Variants in ANO5 observed in about 807,000 individuals in gnomAD.
ANO5 encodes the protein anoctamin-5.
A neutral mutation model predicts 121.0 loss-of-function variants in ANO5; 109 were observed. The observed-to-expected ratio is 0.90, with a 90% CI of 0.77 to 1.06. The LOEUF (loss-of-function observed/expected upper bound fraction) is 1.06, where lower values mean the gene tolerates loss of function less well. Ranked by LOEUF, ANO5 falls within the 50% of genes least tolerant of loss-of-function variation. ANO5 has a pLI of 0.00. For synonymous variants in ANO5, 406 were observed against 359.9 expected (o/e 1.13, Z -1.45); for missense variants, 1,064 against 1,078.5 (o/e 0.99, Z 0.19).
intron 17 of ANO5, among the ~76,000 whole-genome samples, chr11:22,264,030 T>TTTC (rs1469252028): frequency 6.7e-6 from 1 of 149,996 alleles, no homozygotes; most frequent in African/African-American, 2.5e-5. Flanking sequence ...AAACCTTTTT[T>TTTC]TTTTTTTTTT....
intron 5 of ANO5, 138 bp from the exon 6 acceptor site, chr11:22,225,846 A>T: frequency 4.6e-6 from 3 of 658,878 alleles, no homozygotes; most frequent in Non-Finnish European, 8.2e-6. Flanking sequence ...TGACATTCAG[A>T]TGGAGCATTT....
chr11:22,227,702 T>G (rs80256862), intron 7 of ANO5, 116 bp downstream of exon 7: 1 of 1,312,958 alleles, frequency 7.6e-7, no homozygotes, highest in Non-Finnish European at 1.1e-6. Context: ...GTATAGGATA[T>G]AAGCATTTGG....
chr11:22,208,442 T>C (rs182420326), intron 2 of ANO5, among the ~76,000 whole-genome samples: 134 of 152,188 alleles, frequency 8.8e-4, no homozygotes, highest in African/African-American at 3.1e-3. Flanking sequence ...ACATATGTTA[T>C]GATTCCATTT....
At chr11:22,200,366 AT>A (rs1400494875) in intron 1 of ANO5, among the ~76,000 whole-genome samples, 4 of 152,218 alleles carry the variant, frequency 2.6e-5, no homozygotes, top group African/African-American at 9.6e-5. Context: ...TTTATGAAAA[AT>A]TTAGCTACTT....
intron 12 of ANO5, among the ~76,000 whole-genome samples, chr11:22,252,016 C>A (rs1283010944): frequency 2.9e-5 from 3 of 102,412 alleles, no homozygotes; most frequent in Admixed American, 3.3e-4. Flanking sequence ...AGAGACAGAG[C>A]AAGACGCCGT....
rs1854611367 is a variant in ANO5 at position 22,271,505 on chromosome 11, T to C, written c.2029+1063T>C. 2.0e-5 allele frequency among the ~76,000 whole-genome samples: 3 copies of C among 152,234 alleles called. No homozygotes were observed. In the South Asian group the frequency reaches 6.2e-4, roughly 31 times the overall value. On this transcript the variant is annotated intron_variant, in intron 18 of 21. Transcript: ENST00000324559. ...ATAGAAGCTATTTTATAGAACTCTTTGTAAAATCAGATAATCTTTGCCTTA... is the reference window on the plus strand; with the variant it reads ...ATAGAAGCTATTTTATAGAACTCTTCGTAAAATCAGATAATCTTTGCCTTA...
intron 21 of ANO5, 21 bp downstream of exon 21, chr11:22,276,220 A>C: frequency 6.4e-7 from 1 of 1,559,504 alleles, no homozygotes; most frequent in Non-Finnish European, 8.8e-7. Flanking sequence ...CTTAACTTTC[A>C]TTCGAGTTAC....
chr11:22,232,700 C>G (rs916339772), intron 7 of ANO5, among the ~76,000 whole-genome samples: 1 of 151,864 alleles, frequency 6.6e-6, no homozygotes, highest in Non-Finnish European at 1.5e-5. Context: ...CAATTTTTTT[C>G]TCTCAAGTGT....
chr11:22,197,328 A>T (rs1459166306), intron 1 of ANO5, among the ~76,000 whole-genome samples: 1 of 149,640 alleles, frequency 6.7e-6, no homozygotes, highest in Non-Finnish European at 1.5e-5. Context: ...TTGCCAGTAA[A>T]ATGTCATTGC....
In ANO5 at chr11:22,227,410, A is replaced by G; in HGVS notation, c.472A>G (p.Ile158Val). Residue 158 changes from isoleucine (I) to valine (V), a missense_variant, in exon 7 of 22, where the codon ATT becomes GTT. Transcript: ENST00000324559. ...CAAAATGCCTATTAAGGAGAGTGAT[A>G]TTCCCCGCCCTAAGCACACTCCTAT... is the stretch of plus-strand genomic sequence containing the variant. Reference protein sequence around the residue: ...GIKMPIKESDIPRPKHTPISY... With the variant: ...GIKMPIKESDVPRPKHTPISY... 6.2e-7 allele frequency: 1 copy of G among 1,613,550 alleles called. No individual in the cohort carries two copies. Among genetic ancestry groups the G allele is most frequent in the Non-Finnish European group, 8.5e-7 (1 of 1,179,772 alleles).
chr11:22,256,864 G>C (rs1047052982), intron 13 of ANO5, among the ~76,000 whole-genome samples: 17 of 152,114 alleles, frequency 1.1e-4, no homozygotes, highest in African/African-American at 4.1e-4. Context: ...ACAGATGCAT[G>C]AACACGCATA....
intron 16 of ANO5, among the ~76,000 whole-genome samples, chr11:22,262,541 A>G (rs951148630): frequency 2.6e-5 from 4 of 152,240 alleles, no homozygotes; most frequent in African/African-American, 4.8e-5. Flanking sequence ...ATAAAATGAC[A>G]TAAGTTCTTT....
At position 22,229,801 on chromosome 11, in the gene ANO5, T is replaced by C. The variant is rs78799497; in HGVS notation, c.648+2215T>C. 0.014 allele frequency among the ~76,000 whole-genome samples: 2,062 copies of C among 152,056 alleles called. 153 individuals are homozygous for C. The East Asian group carries it at 0.21, about 16-fold the overall frequency. ...ATTCAACTTTAAAGCACACTTTATC[T>C]TCCTTCATAGTGTAGCAACATTGTT... On this transcript the variant is annotated intron_variant, in intron 7 of 21. Coordinates refer to ENST00000324559, the MANE Select transcript of ANO5 (RefSeq NM_213599.3).
At position 22,272,892 on chromosome 11, in the gene ANO5, C is replaced by T. The variant is rs1487599092; in HGVS notation, c.2138C>T (p.Thr713Ile). The T allele has an allele frequency of 6.2e-7, 1 of 1,614,028 alleles. No individual in the cohort carries two copies. Among genetic ancestry groups the T allele is most frequent in the Non-Finnish European group, 8.5e-7 (1 of 1,179,964 alleles). Residue 713 changes from threonine to isoleucine, a missense_variant, in exon 19 of 22, where the codon ACC (threonine) becomes ATC (isoleucine). Physicochemically the swap from Thr to Ile is moderately conservative, Grantham distance 89. Transcript: ENST00000324559. ...ATTCGAGTGGATGCCTGGAAACTTA[C>T]CACTCAATACAGGAGAACTGTAGCT... ...VEIRVDAWKL[T>I]TQYRRTVASK...
At chr11:22,230,697 A>G (rs929291975) in intron 7 of ANO5, among the ~76,000 whole-genome samples, 2 of 152,010 alleles carry the variant, frequency 1.3e-5, no homozygotes, top group Non-Finnish European at 2.9e-5. Context: ...CAAAAAGCAG[A>G]CAGACAAAAG....
At chr11:22,238,191 A>G (rs1046482263) in intron 8 of ANO5, among the ~76,000 whole-genome samples, 7 of 151,910 alleles carry the variant, frequency 4.6e-5, no homozygotes. Flanking sequence ...ACTAACATGG[A>G]CGTTTGGTAA....
chr11:22,193,441 G>C lies in ANO5; in HGVS notation c.-52G>C. The C allele has an allele frequency of 2.5e-6, 4 of 1,587,524 alleles. No individual in the cohort carries two copies. Among genetic ancestry groups the C allele is most frequent in the Non-Finnish European group, 3.4e-6 (4 of 1,167,654 alleles). On this transcript the variant is annotated 5_prime_UTR_variant, in exon 1 of 22. Coordinates refer to ENST00000324559, the MANE Select transcript of ANO5 (RefSeq NM_213599.3). ...TCAGATCTCCACGTCTGTCTCAGCT[G>C]CCCCTCTCCTGCTGCCTCTCAGGCA...
At position 22,203,822 on chromosome 11, in the gene ANO5, A is replaced by T; in HGVS notation, c.59A>T (p.His20Leu). 6.8e-7 allele frequency: 1 copy of T among 1,475,066 alleles called. No individual in the cohort carries two copies. The highest frequency in any genetic ancestry group is 1.1e-5 in the South Asian group (1 of 87,760). The allele number at this position is 1,475,066 out of a possible 1,614,324, so 91.4% of individuals were successfully genotyped here. A position where few individuals can be genotyped will look rare whatever the true frequency, so the allele number is the denominator to read the frequency against. The change falls in exon 2 of 22, where the codon CAT (histidine) becomes CTT (leucine). Residue 20 changes from histidine to leucine, a missense_variant. By Grantham distance (99) the His-to-Leu change is moderately conservative. Transcript: ENST00000324559. ...LAEEGEKVNK[H>L]IDYSFQMSEQ... Reference sequence around the variant, plus strand: ...AATTTAGGGGAAAAAGTCAATAAGCATATAGACTACTCTTTCCAAATGAGT... The same window carrying T: ...AATTTAGGGGAAAAAGTCAATAAGCTTATAGACTACTCTTTCCAAATGAGT...
chr11:22,257,895 T>C (rs879302391), intron 14 of ANO5, 141 bp downstream of exon 14: 14 of 715,418 alleles, frequency 2.0e-5, no homozygotes, highest in Non-Finnish European at 3.4e-5. Context: ...ATAGCTCTTA[T>C]ACAAAATAAA....
Sources: gnomAD v4.1 joint callset for allele counts (sites outside exome capture counted in the v4.1 genomes callset) on GRCh38, gnomAD v4.1.1 for gene constraint, MANE v1.5 for transcripts, NCBI Gene and HGNC (gene_info 2026-07-23, HGNC 2026-07-21) for gene names.